DYTN: variants seen among roughly 807,000 people sequenced by gnomAD.
DYTN encodes dystrotelin.
A neutral mutation model predicts 69.6 loss-of-function variants in DYTN; 75 were observed. That is an observed-to-expected ratio of 1.08 (90% confidence interval 0.89 to 1.31). The LOEUF (loss-of-function observed/expected upper bound fraction) is 1.31, where lower values mean the gene tolerates loss of function less well. Among genes scored for constraint, DYTN ranks in the 50% most tolerant of loss-of-function variants. The pLI is 0.00. For synonymous variants in DYTN, 252 were observed against 249.1 expected (o/e 1.01, Z -0.11); for missense variants, 726 against 688.4 (o/e 1.05, Z -0.61).
At chr2:206,661,378 A>G (rs542146536) in intron 11 of DYTN, among the ~76,000 whole-genome samples, 1 of 152,332 alleles carries the variant, frequency 6.6e-6, no homozygotes, top group African/African-American at 2.4e-5. Context: ...ACAAGTCTGT[A>G]GATGATCACT....
At position 206,699,845 on chromosome 2, in the gene DYTN, G is replaced by A; in HGVS notation, c.601C>T (p.Gln201Ter). Reference protein sequence around the residue: ...IKEEKFLSWVQSEPPILLWLP... With the variant: ...IKEEKFLSWV ...CACAGGAGGATGGGAGGCTCAGATT[G>A]GACCCAAGACAGGAATTTTTCTTCT... The change falls in exon 7 of 12, where the codon CAA becomes TAA. Residue 201 changes from glutamine (Q) to a stop codon, truncating the protein, a stop_gained. Transcript: ENST00000452335. LOFTEE classifies it high-confidence loss of function. 6.2e-7 allele frequency: 1 copy of A among 1,613,776 alleles called. No individual in the cohort carries two copies. Among genetic ancestry groups the A allele is most frequent in the Non-Finnish European group, 8.5e-7 (1 of 1,179,808 alleles).
chr2:206,668,442 C>T (rs549808882), intron 9 of DYTN, among the ~76,000 whole-genome samples: 7 of 152,256 alleles, frequency 4.6e-5, no homozygotes, highest in African/African-American at 9.6e-5. Context: ...GCCAATATTG[C>T]CAGCAACTGG....
chr2:206,654,267 G>A (rs550254489), intron 11 of DYTN, among the ~76,000 whole-genome samples: 1 of 152,168 alleles, frequency 6.6e-6, no homozygotes, highest in East Asian at 1.9e-4. Context: ...CTAATTCATG[G>A]ATTTTCTTCT....
At chr2:206,705,094 C>T in intron 4 of DYTN, 151 bp from the exon 5 acceptor site, 1 of 647,164 alleles carries the variant, frequency 1.5e-6, no homozygotes, top group Non-Finnish European at 2.7e-6. Flanking sequence ...TTATGAAGGC[C>T]TCCAAAACTA....
At chr2:206,670,285 C>G (rs13415231) in intron 9 of DYTN, among the ~76,000 whole-genome samples, 47,181 of 152,090 alleles carry the variant, frequency 0.31, 8,576 homozygotes, top group African/African-American at 0.5. Context: ...TTAGCCTGGT[C>G]ATTTTTGTTA....
At chr2:206,663,794 A>C (rs1178114449) in intron 10 of DYTN, among the ~76,000 whole-genome samples, 1 of 152,232 alleles carries the variant, frequency 6.6e-6, no homozygotes, top group Non-Finnish European at 1.5e-5. Context: ...GTTTCACAGT[A>C]AGCCACAGGG....
At position 206,666,000 on chromosome 2, in the gene DYTN, T is replaced by C. The variant is rs767880509; in HGVS notation, c.1010A>G (p.Lys337Arg). ...GGTGTATATAGCTTGCAACTTGTCT[T>C]TGTATTGGTTTAACTGTTTTTTAAG... is the stretch of plus-strand genomic sequence containing the variant. ...RLLKKQLNQY[K>R]DKLQAIYTSQ... Residue 337 changes from lysine to arginine, a missense_variant, in exon 10 of 12, where the codon AAA becomes AGA. Coordinates refer to ENST00000452335, the MANE Select transcript of DYTN (RefSeq NM_001093730.1). 31 of 1,613,882 alleles carry C rather than the reference T, an allele frequency of 1.9e-5. 2 individuals are homozygous for C. The South Asian group carries it at 2.6e-4, about 14-fold the overall frequency.
At chr2:206,688,342 C>T (rs529120967) in intron 9 of DYTN, among the ~76,000 whole-genome samples, 2 of 152,260 alleles carry the variant, frequency 1.3e-5, no homozygotes, top group African/African-American at 4.8e-5. Flanking sequence ...TAAGGCACAT[C>T]GTAGCCTTGC....
chr2:206,663,533 A>G (rs1445706974), intron 10 of DYTN, 138 bp from the exon 11 acceptor site: 29 of 904,380 alleles, frequency 3.2e-5, no homozygotes, highest in Non-Finnish European at 4.3e-5. Context: ...TATCATTACT[A>G]TTAATTTTAA....
intron 5 of DYTN, 106 bp downstream of exon 5, chr2:206,704,737 G>A (rs1700008197): frequency 1.1e-6 from 1 of 943,138 alleles, no homozygotes; most frequent in South Asian, 1.6e-5. Flanking sequence ...CTTGCATGGA[G>A]TTATATATAA....
intron 10 of DYTN, 112 bp downstream of exon 10, chr2:206,665,758 A>T: frequency 7.7e-7 from 1 of 1,299,844 alleles, no homozygotes; most frequent in Non-Finnish European, 1.1e-6. Flanking sequence ...CGGGGAGAAG[A>T]GGCAAGGGAA....
chr2:206,690,500 A>C (rs1699853061), intron 9 of DYTN, among the ~76,000 whole-genome samples: 1 of 152,230 alleles, frequency 6.6e-6, no homozygotes, highest in African/African-American at 2.4e-5. Flanking sequence ...GGAGTGGACC[A>C]TGGGGAGACC....
intron 1 of DYTN, among the ~76,000 whole-genome samples, chr2:206,711,717 C>T (rs1031110337): frequency 2.6e-5 from 4 of 151,880 alleles, no homozygotes; most frequent in East Asian, 1.9e-4. Flanking sequence ...GTGTATCTCC[C>T]AATCCTATCC....
chr2:206,676,206 A>G (rs1015946942), intron 9 of DYTN, among the ~76,000 whole-genome samples: 1 of 152,238 alleles, frequency 6.6e-6, no homozygotes, highest in African/African-American at 2.4e-5. Context: ...AGACTGGATA[A>G]AGAAAATGTG....
chr2:206,677,778 G>A (rs766132454), intron 9 of DYTN, among the ~76,000 whole-genome samples: 6 of 152,130 alleles, frequency 3.9e-5, no homozygotes, highest in Non-Finnish European at 8.8e-5. Context: ...ATCACATAAG[G>A]TCAGGAGTTC....
At chr2:206,671,747 C>A (rs1699631912) in intron 9 of DYTN, among the ~76,000 whole-genome samples, 1 of 152,110 alleles carries the variant, frequency 6.6e-6, no homozygotes, top group Non-Finnish European at 1.5e-5. Context: ...TGAAGAAAAT[C>A]TTTAAAAGAA....
chr2:206,672,815 G>A (rs1417950730), intron 9 of DYTN, among the ~76,000 whole-genome samples: 1 of 152,164 alleles, frequency 6.6e-6, no homozygotes, highest in Admixed American at 6.5e-5. Context: ...ACATGCTAAA[G>A]TATTTGCAGA....
intron 10 of DYTN, among the ~76,000 whole-genome samples, chr2:206,665,648 CT>C (rs112181751): frequency 0.031 from 4,752 of 152,230 alleles, 105 homozygotes; most frequent in Middle Eastern, 0.061. Flanking sequence ...GCCCCAAAGT[CT>C]ATTGTTTGTA....
intron 9 of DYTN, among the ~76,000 whole-genome samples, chr2:206,674,457 A>G (rs939903025): frequency 1.3e-5 from 2 of 152,162 alleles, no homozygotes; most frequent in African/African-American, 4.8e-5. Context: ...AAACTATTAT[A>G]AAGCCTCCAG....
Sources: allele counts gnomAD v4.1 joint callset (sites outside exome capture counted in the v4.1 genomes callset), GRCh38; gene constraint gnomAD v4.1.1; transcripts MANE v1.5; gene names NCBI Gene and HGNC (gene_info 2026-07-23, HGNC 2026-07-21).